Variants in CHD8 observed in about 807,000 individuals in gnomAD.
The protein encoded by CHD8 is ATP-dependent chromatin remodeler CHD8.
CHD8 carries 31 observed loss-of-function variants against 279.2 expected under a neutral mutation model. The observed-to-expected ratio is 0.11, with a 90% CI of 0.08 to 0.15. The LOEUF is 0.15. Ranked by LOEUF, CHD8 falls within the 10% of genes least tolerant of loss-of-function variation. The probability of loss-of-function intolerance (pLI) is 1.00; values close to 1 mark genes in which losing one functional copy is unlikely to be tolerated. For synonymous variants in CHD8, 1,081 were observed against 1,139.6 expected (o/e 0.95, Z 1.04); for missense variants, 2,146 against 3,230.5 (o/e 0.66, Z 8.14).
chr14:21,393,716 CTAGCTT>C lies in CHD8; in HGVS notation c.6073_6078del (p.Lys2025_Leu2026del). On this transcript the variant is annotated inframe_deletion, in exon 32 of 38. Transcript: ENST00000646647. ...CGGCTCCTGGCCACCACCTCGTGCT[CTAGCTT>C]TAAAGTCAGACTCTCCAGACTGGGG... 1 of 1,613,914 alleles carries C rather than the reference CTAGCTT, an allele frequency of 6.2e-7. No homozygotes were observed. Among genetic ancestry groups the C allele is most frequent in the Non-Finnish European group, 8.5e-7 (1 of 1,179,870 alleles).
In CHD8 at chr14:21,418,193, G is replaced by A. The variant is rs927072199; in HGVS notation, c.1717-2286C>T. On this transcript the variant is annotated intron_variant, in intron 5 of 37. Coordinates refer to ENST00000646647, the MANE Select transcript of CHD8 (RefSeq NM_001170629.2). ...AACAAAAAATTATGCTGAAAGAAGT[G>A]AGACCCAAAAGTACATACTGTATGA... 7.2e-5 allele frequency among the ~76,000 whole-genome samples: 11 copies of A among 152,176 alleles called. No homozygotes were observed. In the East Asian group the frequency reaches 1.4e-3, roughly 19 times the overall value.
chr14:21,401,636 G>C, intron 20 of CHD8, 123 bp from the exon 21 acceptor site: 1 of 647,232 alleles, frequency 1.5e-6, no homozygotes, highest in Non-Finnish European at 2.6e-6. Context: ...CCAGGCTGGG[G>C]TACAGTGGCA....
intron 1 of CHD8, among the ~76,000 whole-genome samples, chr14:21,441,618 G>A (rs1889963167): frequency 6.6e-6 from 1 of 152,058 alleles, no homozygotes; most frequent in Admixed American, 6.6e-5. Context: ...GCTGGGCGTG[G>A]TGGCTCATGC....
In CHD8 at chr14:21,399,157, T is replaced by C. The variant is rs148441281; in HGVS notation, c.4921+445A>G. On this transcript the variant is annotated intron_variant, in intron 26 of 37. Transcript: ENST00000646647. Reference sequence around the variant, plus strand: ...GTGCTTTGCCTCTGAGGTGACATTATTGAGCCTTCCCTCTGCCTACTCACC... The same window carrying C: ...GTGCTTTGCCTCTGAGGTGACATTACTGAGCCTTCCCTCTGCCTACTCACC... The C allele has an allele frequency of 4.2e-3, 1,216 of 291,260 alleles. 13 individuals carry two copies. The highest frequency in any genetic ancestry group is 4.8e-3 in the Non-Finnish European group (695 of 144,680). The allele number at this position is 291,260 out of a possible 1,614,324, so 18.0% of individuals were successfully genotyped here.
At chr14:21,404,277 T>TA (rs1263354622) in intron 16 of CHD8, among the ~76,000 whole-genome samples, 6 of 150,894 alleles carry the variant, frequency 4.0e-5, no homozygotes, top group African/African-American at 1.2e-4. Flanking sequence ...CAGGCGCCTG[T>TA]AATCCCAGCT....
chr14:21,390,340 G>C (rs927218855), intron 37 of CHD8, among the ~76,000 whole-genome samples: 5 of 151,912 alleles, frequency 3.3e-5, no homozygotes, highest in African/African-American at 1.2e-4. Flanking sequence ...TTATTCAATA[G>C]AAGAACAGAG....
chr14:21,450,830 T>C (rs1178052573), intron 1 of CHD8, among the ~76,000 whole-genome samples: 1 of 152,134 alleles, frequency 6.6e-6, no homozygotes, highest in African/African-American at 2.4e-5. Flanking sequence ...AAAGGTGTTA[T>C]TAGGAAATTA....
intron 27 of CHD8, chr14:21,397,543 C>A: frequency 2.6e-6 from 1 of 389,316 alleles, no homozygotes; most frequent in South Asian, 2.1e-5. Context: ...ACCAGTTATC[C>A]TCTCAGCTAC....
chr14:21,435,347 T>C (rs1176991000), intron 1 of CHD8, among the ~76,000 whole-genome samples: 1 of 152,228 alleles, frequency 6.6e-6, no homozygotes, highest in South Asian at 2.1e-4. Context: ...TATGCCAGTA[T>C]AGCCCTTCAC....
At chr14:21,397,656 C>T (rs1566417730) in intron 27 of CHD8, 167 bp downstream of exon 27, 1 of 611,108 alleles carries the variant, frequency 1.6e-6, no homozygotes, top group East Asian at 2.9e-5. Context: ...CTTATGGCAA[C>T]ATGTGGTTTA....
intron 1 of CHD8, among the ~76,000 whole-genome samples, chr14:21,445,544 C>A (rs1890091735): frequency 6.6e-6 from 1 of 151,442 alleles, no homozygotes; most frequent in African/African-American, 2.4e-5. Flanking sequence ...AAAAATTTAG[C>A]CAGGCGTGGT....
Position 21,405,694 on chromosome 14 carries a change from T to C in CHD8, c.3051+27A>G, listed in dbSNP as rs1888226680. ...AAACTTCACCTTCTTTGTCCTGAGTTAGTACCTCATCAGATAGATTTCCTA... is the reference window on the plus strand; with the variant it reads ...AAACTTCACCTTCTTTGTCCTGAGTCAGTACCTCATCAGATAGATTTCCTA... On this transcript the variant is annotated intron_variant, in intron 15 of 37. Coordinates refer to ENST00000646647, the MANE Select transcript of CHD8 (RefSeq NM_001170629.2). This position sits in a 1 kb window ranked among gnomAD's most constrained non-coding sequence, Gnocchi z 4.2. 6.2e-7 allele frequency: 1 copy of C among 1,612,088 alleles called. No individual in the cohort carries two copies.
Position 21,394,082 on chromosome 14 carries a change from G to T in CHD8, c.5713C>A (p.Leu1905Ile). 2 of 1,613,902 alleles carry T rather than the reference G, an allele frequency of 1.2e-6. No individual in the cohort carries two copies. Among genetic ancestry groups the T allele is most frequent in the East Asian group, 2.2e-5 (1 of 44,880 alleles). ...CACAATGCCAGCCGATCTTCCAAAA[G>T]GGGGTGGCATAAAACTTGTTCCCGT... ...RLREQVLCHP[L>I]LEDRLALCQP... The change falls in exon 32 of 38, where the codon CTT becomes ATT. Residue 1905 changes from leucine to isoleucine, a missense_variant. Leu to Ile is a conservative substitution (Grantham distance 5). This residue lies in a region of CHD8 where 513 missense variants were observed against 637.6 expected (regional missense o/e 0.80). Coordinates refer to ENST00000646647, the MANE Select transcript of CHD8 (RefSeq NM_001170629.2).
At chr14:21,420,389 C>T (rs1285982503) in intron 5 of CHD8, among the ~76,000 whole-genome samples, 2 of 152,212 alleles carry the variant, frequency 1.3e-5, no homozygotes, top group East Asian at 3.8e-4. Context: ...ATAAAAGCCA[C>T]TTTCACCACA....
chr14:21,404,613 T>A (rs1253558022), intron 16 of CHD8, among the ~76,000 whole-genome samples: 1 of 151,832 alleles, frequency 6.6e-6, no homozygotes, highest in Non-Finnish European at 1.5e-5. Context: ...AACCTAAGAG[T>A]GTTTTTTCTG....
rs932249401 is a variant in CHD8 at position 21,403,836 on chromosome 14, T to C, written c.3308-173A>G. On this transcript the variant is annotated intron_variant, in intron 16 of 37. Transcript: ENST00000646647. The surrounding 1 kb of genome is among the most constrained non-coding windows in gnomAD (Gnocchi z 4.3). ...TAAATCGGCTGGGTACGGTGGCTCA[T>C]GCCTGTAATCCCAACACTTTGGGAG... Among the ~76,000 whole-genome samples the C allele has an allele frequency of 2.6e-5, 4 of 152,196 alleles. No homozygotes were observed. The highest frequency in any genetic ancestry group is 5.9e-5 in the Non-Finnish European group (4 of 68,032).
rs115869196 is a variant in CHD8, at chr14:21,440,743, C to T, written c.-215-8885G>A. Among the ~76,000 whole-genome samples the T allele has an allele frequency of 1.9e-3, 295 of 152,218 alleles. 1 individual carries two copies. Among genetic ancestry groups the T allele is most frequent in the African/African-American group, 6.7e-3 (279 of 41,526 alleles). ...ATGAAGCCGAAGGGACAGGTAAGGG[C>T]CAGAGCGTGGAGAGCCTTGAATAAC... is the stretch of plus-strand genomic sequence containing the variant. On this transcript the variant is annotated intron_variant, in intron 1 of 37. Transcript: ENST00000646647.
At chr14:21,423,979 C>T (rs930721762) in intron 5 of CHD8, among the ~76,000 whole-genome samples, 1 of 152,150 alleles carries the variant, frequency 6.6e-6, no homozygotes, top group African/African-American at 2.4e-5. Flanking sequence ...GTGCTCTCAA[C>T]CACTATGCTG....
chr14:21,452,810 C>G (rs1409844639), intron 1 of CHD8, among the ~76,000 whole-genome samples: 1 of 151,484 alleles, frequency 6.6e-6, no homozygotes, highest in Non-Finnish European at 1.5e-5. Context: ...ATGGTGAAAC[C>G]CTGTCTCTAC....
Sources: gnomAD v4.1 joint callset for allele counts (sites outside exome capture counted in the v4.1 genomes callset) on GRCh38, gnomAD v4.1.1 for gene constraint, gnomAD v4.1.1 regional missense constraint, Gnocchi (gnomAD v3.1) non-coding constraint, MANE v1.5 for transcripts, NCBI Gene and HGNC (gene_info 2026-07-23, HGNC 2026-07-21) for gene names.